Variants in ITGAV observed in about 807,000 individuals in gnomAD.
ITGAV encodes integrin alpha-V.
A neutral mutation model predicts 143.8 loss-of-function variants in ITGAV; 76 were observed. The ratio of observed to expected loss-of-function variants is 0.53; its 90% confidence interval spans 0.44 to 0.64. ITGAV has a LOEUF of 0.64. Ranked by LOEUF, ITGAV falls within the 30% of genes least tolerant of loss-of-function variation. The pLI is 0.00. For synonymous variants in ITGAV, 453 were observed against 446.7 expected (o/e 1.01, Z -0.18); for missense variants, 1,193 against 1,274.7 (o/e 0.94, Z 0.98).
Position 186,656,319 on chromosome 2 carries a change from G to A in ITGAV, c.1637G>A (p.Ser546Asn). The A allele has an allele frequency of 1.9e-6, 3 of 1,585,626 alleles. No individual in the cohort carries two copies. The highest frequency in any genetic ancestry group is 2.6e-6 in the Non-Finnish European group (3 of 1,169,518). Residue 546 changes from serine (S) to asparagine (N), a missense_variant, in exon 17 of 30, where the codon AGC becomes AAC. Ser to Asn is a conservative substitution (Grantham distance 46, BLOSUM62 1). Transcript: ENST00000261023. The part of the protein sequence containing the change: ...GAIRRALFLY[S>N]RSPSHSKNMT... ...ATTCGACGAGCACTGTTTCTCTACA[G>A]CAGGTCCCCAAGTCACTCCAAGAAC...
At chr2:186,600,369 T>G (rs1686866756) in intron 1 of ITGAV, 4 of 1,476,988 alleles carry the variant, frequency 2.7e-6, no homozygotes, top group African/African-American at 2.8e-5. Context: ...ATCCTGTACA[T>G]CTTAATGTTG....
rs879301280 is a variant in ITGAV at position 186,656,690 on chromosome 2, C to CA, written c.1719+299dup. Among the ~76,000 whole-genome samples the CA allele has an allele frequency of 1.5e-3, 212 of 145,728 alleles. 1 individual carries two copies. Among genetic ancestry groups the CA allele is most frequent in the African/African-American group, 4.3e-3 (170 of 39,770 alleles). On this transcript the variant is annotated intron_variant, in intron 17 of 29. Coordinates refer to ENST00000261023, the MANE Select transcript of ITGAV (RefSeq NM_002210.5). ...GACAGTAAAAGAAATCACCAGAGTCCAAAAAAAAAATGAGCAATCAACTAA... is the reference window on the plus strand; with the variant it reads ...GACAGTAAAAGAAATCACCAGAGTCCAAAAAAAAAAATGAGCAATCAACTAA...
In ITGAV at chr2:186,637,094, G is replaced by T; in HGVS notation, c.787G>T (p.Gly263Cys). 1 of 1,612,956 alleles carries T rather than the reference G, an allele frequency of 6.2e-7. No homozygotes were observed. Among genetic ancestry groups the T allele is most frequent in the Middle Eastern group, 1.7e-4 (1 of 6,056 alleles). ...GYSVAVGDFN[G>C]DGIDDFVSGV... ...TTCTGTGGCTGTCGGAGATTTCAATGGTGATGGCATAGATGGTATGAAGTA... is the reference window on the plus strand; with the variant it reads ...TTCTGTGGCTGTCGGAGATTTCAATTGTGATGGCATAGATGGTATGAAGTA... Residue 263 changes from glycine (G) to cysteine (C), a missense_variant, in exon 8 of 30, where the codon GGT becomes TGT. Physicochemically the swap from Gly to Cys is radical, Grantham distance 159 (BLOSUM62 -3). Transcript: ENST00000261023.
At chr2:186,626,695 T>C (rs1276301904) in intron 4 of ITGAV, among the ~76,000 whole-genome samples, 1 of 152,168 alleles carries the variant, frequency 6.6e-6, no homozygotes, top group Non-Finnish European at 1.5e-5. Flanking sequence ...CTACCTGTTA[T>C]AAGTGGGAAG....
At chr2:186,638,191 T>C in intron 8 of ITGAV, 86 bp from the exon 9 acceptor site, 3 of 1,209,580 alleles carry the variant, frequency 2.5e-6, no homozygotes, top group Non-Finnish European at 3.6e-6. Flanking sequence ...TAGTAAAACT[T>C]AAAGCTTGCT....
Position 186,668,819 on chromosome 2 carries a change from T to A in ITGAV, c.2491T>A (p.Tyr831Asn). 1 of 1,613,678 alleles carries A rather than the reference T, an allele frequency of 6.2e-7. No individual in the cohort carries two copies. Among genetic ancestry groups the A allele is most frequent in the Non-Finnish European group, 8.5e-7 (1 of 1,179,734 alleles). The change falls in exon 25 of 30, where the codon TAC becomes AAC. Residue 831 changes from tyrosine (Y) to asparagine (N), a missense_variant. Coordinates refer to ENST00000261023, the MANE Select transcript of ITGAV (RefSeq NM_002210.5). ...GGCAATGCTCCATCTTCAGTGGCCT[T>A]ACAAATATAATAATAACACTCTGTT... ...SKAMLHLQWP[Y>N]KYNNNTLLYI...
intron 2 of ITGAV, among the ~76,000 whole-genome samples, chr2:186,619,199 G>A (rs1045269880): frequency 4.0e-5 from 6 of 151,570 alleles, no homozygotes; most frequent in Non-Finnish European, 7.4e-5. Context: ...AAAATGTGGT[G>A]TGTGTACGTG....
At chr2:186,615,703 G>A (rs1687336195) in intron 2 of ITGAV, among the ~76,000 whole-genome samples, 1 of 151,572 alleles carries the variant, frequency 6.6e-6, no homozygotes, top group Admixed American at 6.6e-5. Context: ...TATTATTTAG[G>A]ATACAAGTTT....
intron 2 of ITGAV, among the ~76,000 whole-genome samples, chr2:186,613,035 A>G (rs1687258988): frequency 6.6e-6 from 1 of 152,016 alleles, no homozygotes; most frequent in Non-Finnish European, 1.5e-5. Context: ...CAGTATTTTA[A>G]TGTTTTCAGT....
intron 18 of ITGAV, 86 bp downstream of exon 18, chr2:186,659,261 T>G: frequency 2.2e-6 from 2 of 904,632 alleles, no homozygotes; most frequent in Non-Finnish European, 3.1e-6. Flanking sequence ...AGATTTCCTT[T>G]ATCATATTGA....
intron 2 of ITGAV, 138 bp from the exon 3 acceptor site, chr2:186,622,201 G>A (rs1687546716): frequency 1.6e-6 from 1 of 618,018 alleles, no homozygotes; most frequent in Non-Finnish European, 2.8e-6. Context: ...TATATAAACT[G>A]TATATGAGAA....
intron 15 of ITGAV, 40 bp downstream of exon 15, chr2:186,652,129 T>C: frequency 1.6e-6 from 2 of 1,222,416 alleles, no homozygotes; most frequent in Non-Finnish European, 1.2e-6. Context: ...ATTGTGATTA[T>C]TGTTCAGGCA....
intron 2 of ITGAV, among the ~76,000 whole-genome samples, chr2:186,604,552 G>T (rs545679400): frequency 6.6e-6 from 1 of 152,160 alleles, no homozygotes; most frequent in African/African-American, 2.4e-5. Flanking sequence ...TATATTTAAA[G>T]TTTTGTTAGG....
intron 1 of ITGAV, among the ~76,000 whole-genome samples, chr2:186,599,715 A>C (rs1021941283): frequency 6.6e-6 from 1 of 152,184 alleles, no homozygotes; most frequent in Non-Finnish European, 1.5e-5. Context: ...TATGTTGCCT[A>C]GGCTAGTCTT....
chr2:186,641,226 G>T (rs111282570), intron 11 of ITGAV, 160 bp from the exon 12 acceptor site: 46 of 630,276 alleles, frequency 7.3e-5, no homozygotes, highest in African/African-American at 5.0e-4. Flanking sequence ...AGAATTAAAG[G>T]AAGTTTCAAA....
rs183438873 is a variant in ITGAV, at chr2:186,652,362, T to A, written c.1505+273T>A. On this transcript the variant is annotated intron_variant, in intron 15 of 29. Coordinates refer to ENST00000261023, the MANE Select transcript of ITGAV (RefSeq NM_002210.5). ...GTGGCACCATACCCAGCTAATTTTT[T>A]AAATTTTTTTAGAGATGGGGTCTCC... Among the ~76,000 whole-genome samples the A allele has an allele frequency of 7.0e-4, 106 of 152,258 alleles. No homozygotes were observed. The East Asian group carries it at 7.2e-3, about 10-fold the overall frequency.
intron 5 of ITGAV, among the ~76,000 whole-genome samples, chr2:186,632,649 A>G (rs34429410): frequency 0.011 from 1,713 of 152,262 alleles, 15 homozygotes; most frequent in Non-Finnish European, 0.019. Flanking sequence ...TTTATTCTCA[A>G]CTTCACTTCT....
At chr2:186,597,286 G>T (rs1453565297) in intron 1 of ITGAV, among the ~76,000 whole-genome samples, 1 of 152,314 alleles carries the variant, frequency 6.6e-6, no homozygotes, top group African/African-American at 2.4e-5. Flanking sequence ...GCCAAGTAAA[G>T]AAAGTATCTG....
At chr2:186,670,339 C>T (rs1689030732) in intron 26 of ITGAV, among the ~76,000 whole-genome samples, 1 of 152,036 alleles carries the variant, frequency 6.6e-6, no homozygotes, top group South Asian at 2.1e-4. Flanking sequence ...CTCACTTTGT[C>T]ACCCAGGCTG....
Sources: allele counts gnomAD v4.1 joint callset (sites outside exome capture counted in the v4.1 genomes callset), GRCh38; gene constraint gnomAD v4.1.1; transcripts MANE v1.5; gene names NCBI Gene and HGNC (gene_info 2026-07-23, HGNC 2026-07-21).